Variants in HIP1 observed in about 807,000 individuals in gnomAD.
HIP1 encodes the protein huntingtin interacting protein 1.
In HIP1, 65 loss-of-function variants were observed where a neutral mutation model predicts 147.6. That is an observed-to-expected ratio of 0.44 (90% confidence interval 0.36 to 0.54). The LOEUF (loss-of-function observed/expected upper bound fraction) is 0.54, where lower values mean the gene tolerates loss of function less well. HIP1 is among the 20% of genes least tolerant of loss of function. The pLI is 0.00. For missense variants in HIP1, 1,061 were observed against 1,299.6 expected (o/e 0.82, Z 2.82); for synonymous variants, 479 against 504.0 (o/e 0.95, Z 0.67).
Position 75,706,318 on chromosome 7 carries a change from T to C in HIP1, c.120+32483A>G, listed in dbSNP as rs1800992464. Among the ~76,000 whole-genome samples, 3 of 152,104 alleles carry C rather than the reference T, an allele frequency of 2.0e-5. No homozygotes were observed. The South Asian group carries it at 6.2e-4, about 32-fold the overall frequency. On this transcript the variant is annotated intron_variant, in intron 1 of 30. Transcript: ENST00000336926. The stretch of plus-strand genomic sequence containing the variant: ...ATCCTCACCAGTACTTGTTATTTTC[T>C]GGGGTTTTATTTATTGTTTGTTTGT...
chr7:75,729,116 A>C (rs1290327094), intron 1 of HIP1, among the ~76,000 whole-genome samples: 2 of 151,284 alleles, frequency 1.3e-5, no homozygotes, highest in Non-Finnish European at 1.5e-5. Context: ...GAAGAAAAAA[A>C]AAAACCAAAA....
intron 1 of HIP1, among the ~76,000 whole-genome samples, chr7:75,658,345 C>T (rs1485350038): frequency 6.6e-6 from 1 of 152,232 alleles, no homozygotes; most frequent in African/African-American, 2.4e-5. Flanking sequence ...CAACCTTGGC[C>T]TCCCAAAGTG....
rs561232819 is a variant in HIP1, at chr7:75,738,639, C to T, written c.120+162G>A. Reference sequence around the variant, plus strand: ...GCTGGGGTACCCTGGGGTCCCCGACCTTCCTGGGATCGCCCAGATCTGCAC... The same window carrying T: ...GCTGGGGTACCCTGGGGTCCCCGACTTTCCTGGGATCGCCCAGATCTGCAC... On this transcript the variant is annotated intron_variant, in intron 1 of 30. Coordinates refer to ENST00000336926, the MANE Select transcript of HIP1 (RefSeq NM_005338.7). Among the ~76,000 whole-genome samples, 119 of 152,274 alleles carry T rather than the reference C, an allele frequency of 7.8e-4. 1 individual carries two copies. Among genetic ancestry groups the T allele is most frequent in the African/African-American group, 2.8e-3 (115 of 41,564 alleles).
At chr7:75,605,165 G>A (rs1490777575) in intron 1 of HIP1, among the ~76,000 whole-genome samples, 4 of 152,178 alleles carry the variant, frequency 2.6e-5, no homozygotes, top group Non-Finnish European at 1.5e-5. Context: ...CAGAAAGGTG[G>A]AGAAACTCAC....
intron 1 of HIP1, among the ~76,000 whole-genome samples, chr7:75,608,676 T>A (rs1584874119): frequency 6.6e-6 from 1 of 152,254 alleles, no homozygotes; most frequent in South Asian, 2.1e-4. Context: ...AGAGAGGCAG[T>A]TTCTGGATGA....
At chr7:75,567,687 G>A (rs1795457705) in intron 9 of HIP1, among the ~76,000 whole-genome samples, 2 of 147,028 alleles carry the variant, frequency 1.4e-5, no homozygotes, top group African/African-American at 5.5e-5. Flanking sequence ...TGTAGTCTCA[G>A]CTACTCGAGA....
At position 75,663,048 on chromosome 7, in the gene HIP1, C is replaced by T. The variant is rs191975990; in HGVS notation, c.121-63801G>A. Among the ~76,000 whole-genome samples the T allele has an allele frequency of 3.6e-3, 549 of 152,290 alleles. 3 individuals carry two copies. Among genetic ancestry groups the T allele is most frequent in the African/African-American group, 0.013 (521 of 41,574 alleles). On this transcript the variant is annotated intron_variant, in intron 1 of 30. Transcript: ENST00000336926. The stretch of plus-strand genomic sequence containing the variant: ...GCCACAGTTGCCCATCTGATATTTG[C>T]ATGCCTGTGAGTTTCAGATGTAACT...
At chr7:75,657,269 G>A (rs1479080183) in intron 1 of HIP1, among the ~76,000 whole-genome samples, 1 of 152,120 alleles carries the variant, frequency 6.6e-6, no homozygotes, top group Non-Finnish European at 1.5e-5. Context: ...GGTGGCTCAC[G>A]CCTGTAATCC....
At chr7:75,651,460 CAAAAA>C (rs1168846001) in intron 1 of HIP1, among the ~76,000 whole-genome samples, 3 of 44,100 alleles carry the variant, frequency 6.8e-5, no homozygotes, top group East Asian at 1.7e-3. Flanking sequence ...CTCCATATCT[CAAAAA>C]AAAAAAAAAA....
At position 75,555,533 on chromosome 7, in the gene HIP1, C is replaced by A. The variant is rs781891435; in HGVS notation, c.1846G>T (p.Ala616Ser). 2.5e-6 allele frequency: 4 copies of A among 1,614,090 alleles called. No individual in the cohort carries two copies. The highest frequency in any genetic ancestry group is 3.3e-5 in the Admixed American group (2 of 60,002). The change falls in exon 19 of 31, where the codon GCC (alanine) becomes TCC (serine). Residue 616 changes from alanine to serine, a missense_variant. Physicochemically the swap from Ala to Ser is moderately conservative, Grantham distance 99. Coordinates refer to ENST00000336926, the MANE Select transcript of HIP1 (RefSeq NM_005338.7). ...ASTEESMCQL[A>S]KDQRKMLLVG... ...AGAAGCATTTTTCGTTGGTCTTTGG[C>A]AAGCTGGCACATAGATTCCTAAAAA...
At chr7:75,716,827 G>A (rs868940286) in intron 1 of HIP1, among the ~76,000 whole-genome samples, 5 of 132,832 alleles carry the variant, frequency 3.8e-5, no homozygotes, top group South Asian at 2.5e-4. Flanking sequence ...CTTTTTTTTA[G>A]GGGGGGGGAA....
chr7:75,637,673 C>A (rs1334407127), intron 1 of HIP1, among the ~76,000 whole-genome samples: 3 of 147,696 alleles, frequency 2.0e-5, no homozygotes, highest in African/African-American at 7.5e-5. Flanking sequence ...ACAGGTATTT[C>A]TCTCCAAATA....
chr7:75,682,893 A>G (rs1401942475), intron 1 of HIP1, among the ~76,000 whole-genome samples: 1 of 152,114 alleles, frequency 6.6e-6, no homozygotes, highest in Non-Finnish European at 1.5e-5. Flanking sequence ...CAGCAAGGAC[A>G]TGGTGCTATG....
At chr7:75,711,853 C>G (rs1315654284) in intron 1 of HIP1, among the ~76,000 whole-genome samples, 2 of 152,154 alleles carry the variant, frequency 1.3e-5, no homozygotes, top group African/African-American at 4.8e-5. Context: ...AGAGAGAGGG[C>G]TCCTCCACCA....
intron 7 of HIP1, among the ~76,000 whole-genome samples, chr7:75,574,873 G>GTC (rs1253417503): frequency 6.6e-6 from 1 of 152,034 alleles, no homozygotes. Flanking sequence ...ACGAGACTGG[G>GTC]TCTCAGCCAG....
intron 2 of HIP1, among the ~76,000 whole-genome samples, chr7:75,596,924 A>ACTGT (rs1796770053): frequency 6.6e-6 from 1 of 152,152 alleles, no homozygotes; most frequent in African/African-American, 2.4e-5. Flanking sequence ...CCTGATGATA[A>ACTGT]CTGTCTCTCC....
At chr7:75,700,724 G>T (rs138138807) in intron 1 of HIP1, among the ~76,000 whole-genome samples, 12,493 of 144,414 alleles carry the variant, frequency 0.087, 802 homozygotes, top group African/African-American at 0.18. Context: ...TTTTTTTTTT[G>T]AGACGGAGTC....
chr7:75,665,754 T>G (rs982632983), intron 1 of HIP1, among the ~76,000 whole-genome samples: 23 of 152,132 alleles, frequency 1.5e-4, no homozygotes, highest in Admixed American at 5.9e-4. Flanking sequence ...TTGGCCAGGC[T>G]GGTCTCGAAC....
At chr7:75,729,248 C>T (rs540186016) in intron 1 of HIP1, among the ~76,000 whole-genome samples, 1 of 133,716 alleles carries the variant, frequency 7.5e-6, no homozygotes, top group African/African-American at 2.8e-5. Context: ...GCGAGAGGAT[C>T]GCTTCAGGCC....
Sources: allele counts gnomAD v4.1 joint callset (sites outside exome capture counted in the v4.1 genomes callset), GRCh38; gene constraint gnomAD v4.1.1; transcripts MANE v1.5; gene names NCBI Gene and HGNC (gene_info 2026-07-23, HGNC 2026-07-21).